Variants in DYRK4 observed in about 807,000 individuals in gnomAD.
The protein encoded by DYRK4 is dual specificity tyrosine-phosphorylation-regulated kinase 4.
A neutral mutation model predicts 68.3 loss-of-function variants in DYRK4; 64 were observed. The observed-to-expected ratio is 0.94, with a 90% confidence interval of 0.77 to 1.15. The LOEUF (loss-of-function observed/expected upper bound fraction) is 1.15. Ranked by LOEUF, DYRK4 falls within the 50% of genes most tolerant of loss-of-function variation. DYRK4 has a pLI of 0.00. For synonymous variants in DYRK4, 274 were observed against 289.9 expected, an observed-to-expected ratio of 0.95 and a Z score of 0.56; for missense variants, 740 against 764.7, an observed-to-expected ratio of 0.97 and a Z score of 0.38.
At chr12:4,599,921 G>A (rs887491462) in intron 10 of DYRK4, 133 bp downstream of exon 10, 11 of 688,388 alleles carry the variant, frequency 1.6e-5, no homozygotes, top group South Asian at 7.5e-5. Flanking sequence ...AAGGTGCTTC[G>A]CTTCTCTGAG....
intron 6 of DYRK4, among the ~76,000 whole-genome samples, chr12:4,595,659 C>T (rs962556424): frequency 6.6e-6 from 1 of 152,098 alleles, no homozygotes; most frequent in Admixed American, 6.6e-5. Flanking sequence ...GAGAGGAGAC[C>T]TAACGCCTTC....
At chr12:4,580,808 TTTA>T in intron 2 of DYRK4, 1 of 454,770 alleles carries the variant, frequency 2.2e-6, no homozygotes, top group African/African-American at 2.0e-5. Flanking sequence ...TTTTTTTTTT[TTTA>T]AATGGGAAAC....
chr12:4,566,134 C>A (rs1347751485), intron 1 of DYRK4, among the ~76,000 whole-genome samples: 1 of 152,200 alleles, frequency 6.6e-6, no homozygotes, highest in Non-Finnish European at 1.5e-5. Flanking sequence ...ACTGTCAGTG[C>A]CTTGGTTGAG....
chr12:4,590,182 G>T (rs1470189853), intron 3 of DYRK4, 148 bp from the exon 4 acceptor site: 1 of 1,392,668 alleles, frequency 7.2e-7, no homozygotes, highest in Non-Finnish European at 9.3e-7. Context: ...TGCATTTCTT[G>T]CCAAGAACTT....
intron 8 of DYRK4, chr12:4,597,213 T>C (rs1451330003): frequency 2.1e-6 from 2 of 944,944 alleles, no homozygotes; most frequent in Non-Finnish European, 2.5e-6. Flanking sequence ...CTTCAATAGA[T>C]TGGCGTGGCC....
At chr12:4,562,418 G>A in intron 1 of DYRK4, 135 bp downstream of exon 1, 2 of 1,178,694 alleles carry the variant, frequency 1.7e-6, no homozygotes, top group South Asian at 3.3e-5. Context: ...GGGGAATGTG[G>A]GTCAGAGAGA....
chr12:4,588,877 T>A, intron 2 of DYRK4, 60 bp from the exon 3 acceptor site: 1 of 1,483,346 alleles, frequency 6.7e-7, no homozygotes, highest in Non-Finnish European at 9.1e-7. Flanking sequence ...GTAACAAAAA[T>A]ATACAGTGTG....
At chr12:4,586,731 CAG>C (rs1379257646) in intron 2 of DYRK4, among the ~76,000 whole-genome samples, 22 of 135,536 alleles carry the variant, frequency 1.6e-4, no homozygotes, top group African/African-American at 6.0e-4. Flanking sequence ...CACACACACA[CAG>C]ACACACACAC....
intron 8 of DYRK4, among the ~76,000 whole-genome samples, chr12:4,597,927 G>A (rs1253031651): frequency 6.6e-6 from 1 of 152,060 alleles, no homozygotes; most frequent in Non-Finnish European, 1.5e-5. Flanking sequence ...ATAGCCGGGC[G>A]TGGTGGTGCG....
chr12:4,572,236 G>T (rs1944737202), intron 2 of DYRK4, among the ~76,000 whole-genome samples: 1 of 152,146 alleles, frequency 6.6e-6, no homozygotes. Flanking sequence ...GGAACACCCA[G>T]GGAAGTTTTA....
chr12:4,570,113 C>T lies in DYRK4; in HGVS notation c.132+2065C>T, dbSNP rs191586680. Among the ~76,000 whole-genome samples, 328 of 151,258 alleles carry T rather than the reference C, an allele frequency of 2.2e-3. 2 individuals carry two copies. The highest frequency in any genetic ancestry group is 7.3e-3 in the African/African-American group (303 of 41,304). On this transcript the variant is annotated intron_variant, in intron 2 of 14. Coordinates refer to ENST00000543431, the MANE Select transcript of DYRK4 (RefSeq NM_001394779.1). ...CAAATTAGCTGGGTGTGGTAGTGCA[C>T]GCCTGTAGTCCCAGCTACTTGGGAG...
intron 9 of DYRK4, 104 bp downstream of exon 9, chr12:4,599,270 C>CTTTTTTTTTTT: frequency 2.2e-6 from 1 of 459,414 alleles, no homozygotes; most frequent in Non-Finnish European, 3.5e-6. Context: ...TTGCCTTTGA[C>CTTTTTTTTTTT]TTTTTTTTTT....
chr12:4,597,401 A>G (rs1349512304), intron 8 of DYRK4, among the ~76,000 whole-genome samples: 1 of 152,274 alleles, frequency 6.6e-6, no homozygotes, highest in Non-Finnish European at 1.5e-5. Flanking sequence ...CACTGCCCCC[A>G]TGACACCATT....
intron 9 of DYRK4, chr12:4,599,489 T>G: frequency 1.7e-6 from 1 of 573,804 alleles, no homozygotes; most frequent in Non-Finnish European, 3.1e-6. Context: ...AAAGAAACTG[T>G]GCAAAGCAGT....
chr12:4,601,514 G>C (rs61909653), intron 10 of DYRK4, among the ~76,000 whole-genome samples: 3 of 152,264 alleles, frequency 2.0e-5, no homozygotes, highest in Middle Eastern at 3.4e-3. Flanking sequence ...TTTGAAAAGA[G>C]AGATTTAAAT....
chr12:4,602,267 G>T, intron 10 of DYRK4: 1 of 1,083,160 alleles, frequency 9.2e-7, no homozygotes, highest in Non-Finnish European at 1.4e-6. Flanking sequence ...CTTTTCTTTT[G>T]CAACCATGCT....
intron 12 of DYRK4, among the ~76,000 whole-genome samples, chr12:4,609,101 A>G (rs542632461): frequency 6.6e-6 from 1 of 152,214 alleles, no homozygotes; most frequent in Non-Finnish European, 1.5e-5. Context: ...GTAGGAACGT[A>G]CTAAAGACAT....
At chr12:4,579,020 T>C (rs1279450242) in intron 2 of DYRK4, among the ~76,000 whole-genome samples, 1 of 152,198 alleles carries the variant, frequency 6.6e-6, no homozygotes, top group African/African-American at 2.4e-5. Flanking sequence ...CTCATGCCTG[T>C]AATTCCAGCA....
At chr12:4,581,036 T>C (rs1006835556) in intron 2 of DYRK4, 2 of 352,236 alleles carry the variant, frequency 5.7e-6, no homozygotes, top group African/African-American at 4.3e-5. Flanking sequence ...TCTAGAGTTC[T>C]GCTCTAACTA....
Sources: allele counts gnomAD v4.1 joint callset (sites outside exome capture counted in the v4.1 genomes callset), GRCh38; gene constraint gnomAD v4.1.1; transcripts MANE v1.5; gene names NCBI Gene and HGNC (gene_info 2026-07-23, HGNC 2026-07-21).